The following TENM2 variants were observed in gnomAD, a reference collection of about 807,000 sequenced individuals.
TENM2 encodes teneurin-2.
Under a neutral mutation model 245.2 loss-of-function variants are expected in TENM2, and 52 were observed. That is an observed-to-expected ratio of 0.21 (90% CI 0.17 to 0.27). The LOEUF (loss-of-function observed/expected upper bound fraction) is 0.27, where lower values mean the gene tolerates loss of function less well. TENM2 is among the 10% of genes least tolerant of loss of function. TENM2 has a pLI of 1.00. For synonymous variants in TENM2, 1,363 were observed against 1,438.9 expected, an observed-to-expected ratio of 0.95 and a Z score of 1.19; for missense variants, 3,046 against 3,666.8, an observed-to-expected ratio of 0.83 and a Z score of 4.37.
At chr5:167,430,750 A>G (rs1764168462) in intron 2 of TENM2, among the ~76,000 whole-genome samples, 1 of 152,192 alleles carries the variant, frequency 6.6e-6, no homozygotes, top group African/African-American at 2.4e-5. Context: ...CATATCCGTT[A>G]AACTCTACTG....
intron 2 of TENM2, among the ~76,000 whole-genome samples, chr5:167,456,001 G>T (rs934934849): frequency 5.3e-5 from 8 of 152,108 alleles, no homozygotes; most frequent in African/African-American, 1.9e-4. Context: ...AATGAATTTT[G>T]AGAGGTCTTA....
intron 4 of TENM2, among the ~76,000 whole-genome samples, chr5:167,969,188 A>G (rs1781590346): frequency 6.6e-6 from 1 of 152,152 alleles, no homozygotes; most frequent in Non-Finnish European, 1.5e-5. Context: ...CTCATCTTGA[A>G]TTGTAGCTCC....
chr5:168,262,859 C>CT, exon 29 of TENM2: 2 of 1,496,634 alleles, frequency 1.3e-6, no homozygotes, highest in Non-Finnish European at 1.8e-6. Context: ...GCAGGAGTAA[C>CT]TGTTATCTCC....
the TENM2 span, among the ~76,000 whole-genome samples, chr5:167,075,371 C>A: frequency 1.3e-5 from 2 of 152,164 alleles, no homozygotes; most frequent in African/African-American, 4.8e-5. Flanking sequence ...ATTTAATCTT[C>A]TAACTCAGTT....
the TENM2 span, among the ~76,000 whole-genome samples, chr5:167,067,017 A>C: frequency 6.6e-6 from 1 of 152,326 alleles, no homozygotes; most frequent in African/African-American, 2.4e-5. Context: ...TTACTGACCG[A>C]TTTAATGTTT....
At chr5:168,132,021 C>G (rs550016497) in intron 12 of TENM2, among the ~76,000 whole-genome samples, 6 of 151,922 alleles carry the variant, frequency 3.9e-5, no homozygotes, top group Non-Finnish European at 7.4e-5. Context: ...ATTGCTGATT[C>G]TCCCCCACCA....
At chr5:167,913,716 C>T (rs973578740) in intron 3 of TENM2, among the ~76,000 whole-genome samples, 4 of 152,152 alleles carry the variant, frequency 2.6e-5, no homozygotes, top group Non-Finnish European at 5.9e-5. Flanking sequence ...GCTTGTCTGG[C>T]CATCCCATCC....
chr5:168,247,670 T>G lies in TENM2; in HGVS notation c.6731T>G (p.Met2244Arg). Residue 2244 changes from methionine to arginine, a missense_variant, in exon 27 of 29, where the codon ATG (methionine) becomes AGG (arginine). Met to Arg is a moderately conservative substitution (Grantham distance 91, BLOSUM62 -1). Transcript: ENST00000518659. This position sits in a 1 kb window ranked among gnomAD's most constrained non-coding sequence, Gnocchi z 7.8. ...AACCCAGGCAACAGTGTGCGCCTCA[T>G]GCCCTTGCGCTATGACCTCCGGGAT... The G allele has an allele frequency of 6.2e-7, 1 of 1,613,882 alleles. No individual in the cohort carries two copies. Among genetic ancestry groups the G allele is most frequent in the South Asian group, 1.1e-5 (1 of 91,090 alleles).
chr5:167,944,585 A>G (rs562485002), intron 3 of TENM2, among the ~76,000 whole-genome samples: 3 of 152,358 alleles, frequency 2.0e-5, no homozygotes, highest in Non-Finnish European at 4.4e-5. Flanking sequence ...TATAATAAAC[A>G]GAGGGAATTG....
At position 167,669,862 on chromosome 5, in the gene TENM2, G is replaced by GTTT. The variant is rs5873056; in HGVS notation, c.503-206115_503-206113dup. Among the ~76,000 whole-genome samples the GTTT allele has an allele frequency of 5.8e-4, 86 of 148,232 alleles. 1 individual carries two copies. The highest frequency in any genetic ancestry group is 2.1e-3 in the African/African-American group (84 of 40,694). ...AAAATCTATTGCTGCCACTTTTGAG[G>GTTT]TTTTTTTTTTTAAATAAAAGACTAT... On this transcript the variant is annotated intron_variant, in intron 2 of 28. Coordinates refer to ENST00000518659, the Ensembl canonical transcript of TENM2.
the TENM2 span, among the ~76,000 whole-genome samples, chr5:166,990,029 T>C: frequency 6.6e-6 from 1 of 152,066 alleles, no homozygotes; most frequent in Non-Finnish European, 1.5e-5. Flanking sequence ...TATGTATAAA[T>C]AGACAAAGAA....
At chr5:167,446,902 G>C (rs963545228) in intron 2 of TENM2, among the ~76,000 whole-genome samples, 2 of 151,886 alleles carry the variant, frequency 1.3e-5, no homozygotes, top group African/African-American at 4.8e-5. Flanking sequence ...GGAGCCGGAA[G>C]TTTTTCAGAT....
intron 3 of TENM2, among the ~76,000 whole-genome samples, chr5:167,879,958 A>G (rs2099109022): frequency 6.6e-6 from 1 of 152,226 alleles, no homozygotes; most frequent in African/African-American, 2.4e-5. Flanking sequence ...TGTCTAATTT[A>G]TCTGGCATCA....
At chr5:167,621,324 A>G (rs887969376) in intron 2 of TENM2, among the ~76,000 whole-genome samples, 2 of 152,200 alleles carry the variant, frequency 1.3e-5, no homozygotes, top group African/African-American at 2.4e-5. Context: ...TAGAGTTGTC[A>G]GAGAAAGCTG....
chr5:168,246,482 C>A lies in TENM2; in HGVS notation c.5818-275C>A, dbSNP rs115570173. ...TTGTTACAAAATGCAGATTCTCAGG[C>A]CCCACCCCAGATCTACCAAATTAGA... On this transcript the variant is annotated intron_variant, in intron 26 of 28. Coordinates refer to ENST00000518659, the Ensembl canonical transcript of TENM2. Among the ~76,000 whole-genome samples, 492 of 152,192 alleles carry A rather than the reference C, an allele frequency of 3.2e-3. 4 individuals carry two copies. The highest frequency in any genetic ancestry group is 0.011 in the African/African-American group (477 of 41,504).
intron 1 of TENM2, among the ~76,000 whole-genome samples, chr5:167,372,792 G>A (rs1760514182): frequency 6.6e-6 from 1 of 152,106 alleles, no homozygotes; most frequent in Non-Finnish European, 1.5e-5. Flanking sequence ...AATGACTTAA[G>A]GATGAGAAAA....
intron 23 of TENM2, among the ~76,000 whole-genome samples, chr5:168,225,147 A>C (rs1272549521): frequency 6.6e-6 from 1 of 152,166 alleles, no homozygotes; most frequent in Non-Finnish European, 1.5e-5. Context: ...ACTGTCTAAG[A>C]AGGCTGCTTG....
the TENM2 span, among the ~76,000 whole-genome samples, chr5:167,014,898 C>A: frequency 6.6e-6 from 1 of 152,172 alleles, no homozygotes; most frequent in Non-Finnish European, 1.5e-5. Flanking sequence ...GTGTCTCTAC[C>A]TAAATTAATC....
At chr5:167,121,792 G>A in the TENM2 span, among the ~76,000 whole-genome samples, 22 of 152,296 alleles carry the variant, frequency 1.4e-4, no homozygotes, top group African/African-American at 5.3e-4. Context: ...ACTTTCCTCT[G>A]TATAGATTAG....
Sources: gnomAD v4.1 joint callset for allele counts (sites outside exome capture counted in the v4.1 genomes callset) on GRCh38, gnomAD v4.1.1 for gene constraint, Gnocchi (gnomAD v3.1) non-coding constraint, MANE v1.5 for transcripts, NCBI Gene and HGNC (gene_info 2026-07-23, HGNC 2026-07-21) for gene names.